Variants in MEI4 observed in about 807,000 individuals in gnomAD.
The protein encoded by MEI4 is meiotic double-stranded break formation protein 4.
A neutral mutation model predicts 31.4 loss-of-function variants in MEI4; 27 were observed. The ratio of observed to expected loss-of-function variants is 0.86; its 90% CI spans 0.63 to 1.19. MEI4 has a LOEUF of 1.19. Among genes scored for constraint, MEI4 ranks in the 50% most tolerant of loss-of-function variants. MEI4 has a pLI of 0.00. For synonymous variants in MEI4, 122 were observed against 145.4 expected, an observed-to-expected ratio of 0.84 and a Z score of 1.16; for missense variants, 329 against 398.9, an observed-to-expected ratio of 0.82 and a Z score of 1.49.
In MEI4 at chr6:77,923,382, A is replaced by AATAAAGTAGAATATATG; in HGVS notation, c.*38_*54dup. The stretch of plus-strand genomic sequence containing the variant: ...TAGCAATTTACCACGTTTGAAGCAT[A>AATAAAGTAGAATATATG]ATAAAGTAGAATATATGAAAATCTC... On this transcript the variant is annotated 3_prime_UTR_variant, in exon 5 of 5. Transcript: ENST00000684080. The AATAAAGTAGAATATATG allele has an allele frequency of 1.6e-6, 2 of 1,218,148 alleles. No homozygotes were observed. The highest frequency in any genetic ancestry group is 2.0e-6 in the Non-Finnish European group (2 of 976,068). 75.5% of individuals were successfully genotyped at this position (1,218,148 alleles called of 1,614,324 possible). A position where few individuals can be genotyped will look rare whatever the true frequency, so the allele number is the denominator to read the frequency against.
At chr6:77,680,481 G>A (rs920364274) in intron 1 of MEI4, among the ~76,000 whole-genome samples, 2 of 151,970 alleles carry the variant, frequency 1.3e-5, no homozygotes, top group African/African-American at 4.8e-5. Context: ...CACAGAACCT[G>A]GAAACTAGAG....
chr6:77,832,713 T>C (rs1483058), intron 4 of MEI4, among the ~76,000 whole-genome samples: 125,446 of 151,946 alleles, frequency 0.83, 52,305 homozygotes, highest in East Asian at 0.95. Flanking sequence ...ACCAGTCTGT[T>C]GAACCCACAA....
chr6:77,817,666 T>C (rs1769719842), intron 3 of MEI4, among the ~76,000 whole-genome samples: 1 of 152,084 alleles, frequency 6.6e-6, no homozygotes, highest in East Asian at 1.9e-4. Flanking sequence ...TATAATTGCA[T>C]ATATTTATGG....
intron 3 of MEI4, among the ~76,000 whole-genome samples, chr6:77,790,665 C>A (rs891864750): frequency 2.6e-5 from 4 of 151,982 alleles, no homozygotes; most frequent in Admixed American, 2.6e-4. Context: ...AAAGCAAGAT[C>A]AACCCAAAGA....
intron 1 of MEI4, among the ~76,000 whole-genome samples, chr6:77,662,554 G>C (rs1190480175): frequency 6.6e-6 from 1 of 152,160 alleles, no homozygotes; most frequent in Non-Finnish European, 1.5e-5. Context: ...ATAAATTTTG[G>C]AAATTATGAG....
Position 77,923,169 on chromosome 6 carries a change from A to C in MEI4, c.981A>C (p.Glu327Asp). 3.3e-6 allele frequency: 4 copies of C among 1,230,610 alleles called. No homozygotes were observed. The highest frequency in any genetic ancestry group is 4.1e-6 in the Non-Finnish European group (4 of 986,908). The allele number at this position is 1,230,610 out of a possible 1,614,324, so 76.2% of individuals were successfully genotyped here. A position where few individuals can be genotyped will look rare whatever the true frequency, so the allele number is the denominator to read the frequency against. Residue 327 changes from glutamate (E) to aspartate (D), a missense_variant, in exon 5 of 5, where the codon GAA becomes GAC. Physicochemically the swap from Glu to Asp is conservative, Grantham distance 45 (BLOSUM62 2). Transcript: ENST00000684080. The stretch of plus-strand genomic sequence containing the variant: ...TTCTGGAGCAGCTTCTTCAAAAGGA[A>C]ACCGAAGAAGGCAACACTTCAAGTA... Reference protein sequence around the residue: ...FWVLEQLLQKETEEGNTSSIG... With the variant: ...FWVLEQLLQKDTEEGNTSSIG...
intron 4 of MEI4, among the ~76,000 whole-genome samples, chr6:77,909,584 A>G (rs1581971393): frequency 6.6e-6 from 1 of 152,152 alleles, no homozygotes; most frequent in South Asian, 2.1e-4. Context: ...CCAACCAACA[A>G]AAGTCCAGGA....
intron 4 of MEI4, among the ~76,000 whole-genome samples, chr6:77,844,080 A>T (rs1026429770): frequency 8.5e-5 from 13 of 152,132 alleles, no homozygotes; most frequent in Non-Finnish European, 4.4e-5. Flanking sequence ...CATGAAGTTT[A>T]TGAGTAGTCT....
At chr6:77,693,034 T>C (rs1769187616) in intron 2 of MEI4, among the ~76,000 whole-genome samples, 1 of 152,018 alleles carries the variant, frequency 6.6e-6, no homozygotes, top group African/African-American at 2.4e-5. Flanking sequence ...ATTATCACAT[T>C]AAGAGCGTGC....
chr6:77,735,839 T>G (rs1767184613), intron 2 of MEI4, among the ~76,000 whole-genome samples: 1 of 152,072 alleles, frequency 6.6e-6, no homozygotes, highest in Admixed American at 6.5e-5. Flanking sequence ...TGTTTATTAG[T>G]TTTCCTTCTA....
chr6:77,664,381 C>T (rs1768579059), intron 1 of MEI4, among the ~76,000 whole-genome samples: 1 of 152,086 alleles, frequency 6.6e-6, no homozygotes, highest in Non-Finnish European at 1.5e-5. Flanking sequence ...TGAAAAAGAG[C>T]CTAAACGCTA....
Position 77,813,438 on chromosome 6 carries a change from G to A in MEI4, c.769-15493G>A, listed in dbSNP as rs142497010. The stretch of plus-strand genomic sequence containing the variant: ...ACAAAAAACAACTGTATTTTTTCCC[G>A]TCTTCCTTTCTTCTGTCTCTTGACT... On this transcript the variant is annotated intron_variant, in intron 3 of 4. Coordinates refer to ENST00000684080, the MANE Select transcript of MEI4 (RefSeq NM_001322247.2). Among the ~76,000 whole-genome samples, 471 of 151,294 alleles carry A rather than the reference G, an allele frequency of 3.1e-3. 13 individuals carry two copies. The highest frequency in any genetic ancestry group is 0.015 in the East Asian group (79 of 5,146).
rs58115404 is a variant in MEI4 at position 77,897,928 on chromosome 6, G to T, written c.901-25161G>T. ...CCCTCAGTATAGGCCCAACACCTAGGTTATGGGGAGAGAGAGAGAATATAA... is the reference window on the plus strand; with the variant it reads ...CCCTCAGTATAGGCCCAACACCTAGTTTATGGGGAGAGAGAGAGAATATAA... On this transcript the variant is annotated intron_variant, in intron 4 of 4. Coordinates refer to ENST00000684080, the MANE Select transcript of MEI4 (RefSeq NM_001322247.2). Among the ~76,000 whole-genome samples, 1,394 of 152,026 alleles carry T rather than the reference G, an allele frequency of 9.2e-3. 17 individuals are homozygous for T. The highest frequency in any genetic ancestry group is 0.031 in the African/African-American group (1,290 of 41,502).
chr6:77,699,022 C>G (rs1766134279), intron 2 of MEI4, among the ~76,000 whole-genome samples: 1 of 151,956 alleles, frequency 6.6e-6, no homozygotes, highest in Non-Finnish European at 1.5e-5. Context: ...TTCATTTCGT[C>G]TTCCATCACT....
intron 3 of MEI4, among the ~76,000 whole-genome samples, chr6:77,815,516 A>T (rs1769668633): frequency 6.6e-6 from 1 of 152,116 alleles, no homozygotes; most frequent in Admixed American, 6.6e-5. Flanking sequence ...GAGATGTCAG[A>T]AGAATGATGA....
rs1768464676 is a variant in MEI4 at position 77,659,645 on chromosome 6, G to C, written c.-15+6553G>C. ...GGAGAGTCTGATGAGCAAGGGGAAG[G>C]TAGCCAAGGATGGAGTGAAATAGAG... On this transcript the variant is annotated intron_variant, in intron 1 of 4. Transcript: ENST00000684080. 1.3e-5 allele frequency among the ~76,000 whole-genome samples: 2 copies of C among 152,152 alleles called. 1 individual carries two copies. Among genetic ancestry groups the C allele is most frequent in the South Asian group, 4.2e-4 (2 of 4,818 alleles).
At chr6:77,735,120 G>C (rs1224974081) in intron 2 of MEI4, among the ~76,000 whole-genome samples, 2 of 151,936 alleles carry the variant, frequency 1.3e-5, no homozygotes, top group African/African-American at 2.4e-5. Context: ...TCTTGGAGTT[G>C]CTCTTCTCGA....
intron 3 of MEI4, among the ~76,000 whole-genome samples, chr6:77,765,430 T>C (rs1240267332): frequency 6.6e-6 from 1 of 151,762 alleles, no homozygotes; most frequent in Non-Finnish European, 1.5e-5. Context: ...TTTATTATTA[T>C]TATACTTTAA....
intron 1 of MEI4, among the ~76,000 whole-genome samples, chr6:77,662,904 G>C (rs1768539591): frequency 6.6e-6 from 1 of 152,162 alleles, no homozygotes. Flanking sequence ...GAAGTAATGG[G>C]GGCTGTCTGT....
Sources: allele counts gnomAD v4.1 joint callset (sites outside exome capture counted in the v4.1 genomes callset), GRCh38; gene constraint gnomAD v4.1.1; transcripts MANE v1.5; gene names NCBI Gene and HGNC (gene_info 2026-07-23, HGNC 2026-07-21).